IL1RAPL1: variants seen among roughly 807,000 people sequenced by gnomAD.
IL1RAPL1 encodes interleukin-1 receptor accessory protein-like 1.
In IL1RAPL1, 3 loss-of-function variants were observed where a neutral mutation model predicts 48.4. That is an observed-to-expected ratio of 0.06 (90% CI 0.03 to 0.16). The LOEUF (loss-of-function observed/expected upper bound fraction) is 0.16, where lower values mean the gene tolerates loss of function less well. Ranked by LOEUF, IL1RAPL1 falls within the 10% of genes least tolerant of loss-of-function variation. The pLI, the probability that IL1RAPL1 is intolerant of heterozygous loss-of-function variation, is 1.00. For synonymous variants in IL1RAPL1, 185 were observed against 187.7 expected, an observed-to-expected ratio of 0.99 and a Z score of 0.12; for missense variants, 349 against 530.6, an observed-to-expected ratio of 0.66 and a Z score of 3.36.
At chrX:29,703,346 A>T (rs1927104230) in intron 6 of IL1RAPL1, among the ~76,000 whole-genome samples, 1 of 109,733 alleles carries the variant, frequency 9.1e-6, no homozygotes, top group Non-Finnish European at 1.9e-5. Context: ...TCATTTGTTT[A>T]TTTATTTATT....
chrX:28,845,458 T>A (rs1227786050), intron 2 of IL1RAPL1, among the ~76,000 whole-genome samples: 2 of 111,634 alleles, frequency 1.8e-5, no homozygotes, highest in Non-Finnish European at 3.8e-5. Flanking sequence ...TATGTCAGAT[T>A]AAAGGAAACT....
At chrX:29,925,450 G>T in intron 8 of IL1RAPL1, among the ~76,000 whole-genome samples, 1 of 20,181 alleles carries the variant, frequency 5.0e-5, no homozygotes, top group Non-Finnish European at 1.0e-4. Context: ...TTTTTTGCTG[G>T]GGGGGGCTTC....
At chrX:28,669,176 C>G (rs909869939) in intron 1 of IL1RAPL1, among the ~76,000 whole-genome samples, 2 of 111,356 alleles carry the variant, frequency 1.8e-5, no homozygotes, top group Admixed American at 9.6e-5. Flanking sequence ...AACAAACTGT[C>G]TCTTAGGTGC....
intron 5 of IL1RAPL1, 111 bp from the exon 6 acceptor site, chrX:29,668,319 T>C: frequency 1.5e-6 from 1 of 678,514 alleles, no homozygotes; most frequent in South Asian, 2.3e-5. Context: ...TAGAGCACTT[T>C]AACACTACTT....
chrX:28,693,363 A>G, intron 1 of IL1RAPL1, among the ~76,000 whole-genome samples: 1 of 112,573 alleles, frequency 8.9e-6, no homozygotes, highest in Non-Finnish European at 1.9e-5. Context: ...ATGTATTGCC[A>G]TTCAACAGAA....
At chrX:29,606,867 C>A (rs1923908634) in intron 5 of IL1RAPL1, among the ~76,000 whole-genome samples, 1 of 111,020 alleles carries the variant, frequency 9.0e-6, no homozygotes, top group Admixed American at 9.6e-5. Flanking sequence ...TTGTATGACA[C>A]CCCTTTAGAA....
chrX:29,665,139 G>T (rs1235780350), intron 5 of IL1RAPL1, among the ~76,000 whole-genome samples: 1 of 112,333 alleles, frequency 8.9e-6, no homozygotes, highest in Non-Finnish European at 1.9e-5. Flanking sequence ...GACAAAATAT[G>T]ATTAGGATTT....
At chrX:29,446,549 A>G (rs1304602831) in intron 5 of IL1RAPL1, among the ~76,000 whole-genome samples, 2 of 111,835 alleles carry the variant, frequency 1.8e-5, no homozygotes, top group Non-Finnish European at 1.9e-5. Flanking sequence ...TAATTAAACC[A>G]TATATGGCCA....
At chrX:28,779,634 G>GTATATATATATATATATA (rs1183080798) in intron 1 of IL1RAPL1, among the ~76,000 whole-genome samples, 1 of 38,322 alleles carries the variant, frequency 2.6e-5, no homozygotes, top group Non-Finnish European at 4.5e-5. Flanking sequence ...GTGTGTGTGT[G>GTATATATATATATATATA]TATATATATA....
intron 1 of IL1RAPL1, among the ~76,000 whole-genome samples, chrX:28,699,649 C>T (rs188640059): frequency 1.5e-4 from 17 of 111,631 alleles, no homozygotes; most frequent in African/African-American, 4.2e-4. Context: ...CTGCTTCAGA[C>T]TCTCTCTCTC....
At chrX:29,113,871 C>T (rs1379218191) in intron 2 of IL1RAPL1, among the ~76,000 whole-genome samples, 1 of 111,198 alleles carries the variant, frequency 9.0e-6, no homozygotes, top group Non-Finnish European at 1.9e-5. Context: ...CTTTTATTTG[C>T]TTGTCTAACT....
At chrX:28,589,739 G>C (rs1039366208) in intron 1 of IL1RAPL1, among the ~76,000 whole-genome samples, 9 of 111,765 alleles carry the variant, frequency 8.1e-5, no homozygotes, top group African/African-American at 2.9e-4. Flanking sequence ...CAGCCTGGTG[G>C]TTCCCTCATA....
At chrX:28,827,842 GTTTAATCTACCTGTGAAAATCCACT>G (rs1304967994) in intron 2 of IL1RAPL1, among the ~76,000 whole-genome samples, 5 of 111,825 alleles carry the variant, frequency 4.5e-5, no homozygotes, top group Admixed American at 2.8e-4. Flanking sequence ...CATTCTAAAA[GTTTAATCTACCTGTGAAAATCCACT>G]TTTCACCTGC....
At chrX:28,910,230 T>C (rs73631627) in intron 2 of IL1RAPL1, among the ~76,000 whole-genome samples, 311 of 111,190 alleles carry the variant, frequency 2.8e-3, no homozygotes, top group African/African-American at 9.6e-3. Context: ...CTTCAAGGGA[T>C]TTTCTTTATT....
At chrX:29,586,766 C>T (rs1428518893) in intron 5 of IL1RAPL1, among the ~76,000 whole-genome samples, 1 of 110,365 alleles carries the variant, frequency 9.1e-6, no homozygotes, top group Non-Finnish European at 1.9e-5. Context: ...AAGTTTATTC[C>T]TAAGTATTTT....
At position 29,445,233 on chromosome X, in the gene IL1RAPL1, A is replaced by G. The variant is rs983235433; in HGVS notation, c.703+45925A>G. On this transcript the variant is annotated intron_variant, in intron 5 of 10. Transcript: ENST00000378993. ...AGATATTAGAATTGGACACATCCAT[A>G]AAACAGATTTCTCTATGAGGTCAGC... 4.5e-5 allele frequency among the ~76,000 whole-genome samples: 5 copies of G among 112,261 alleles called. No homozygotes were observed. The East Asian group carries it at 1.1e-3, about 25-fold the overall frequency.
At chrX:28,600,358 T>C (rs1364168171) in intron 1 of IL1RAPL1, among the ~76,000 whole-genome samples, 3 of 111,017 alleles carry the variant, frequency 2.7e-5, no homozygotes, top group Non-Finnish European at 3.8e-5. Context: ...GCCACAAATA[T>C]CTAATGAGCA....
intron 6 of IL1RAPL1, among the ~76,000 whole-genome samples, chrX:29,913,196 C>T (rs1414860433): frequency 9.0e-6 from 1 of 111,088 alleles, no homozygotes; most frequent in Non-Finnish European, 1.9e-5. Context: ...CTCCTAGTGT[C>T]TAGGCTGTGA....
intron 1 of IL1RAPL1, among the ~76,000 whole-genome samples, chrX:28,644,695 C>A (rs1289070794): frequency 1.8e-5 from 2 of 111,635 alleles, no homozygotes; most frequent in Non-Finnish European, 3.8e-5. Flanking sequence ...AAAAAAAAAT[C>A]TTTTGGCAAA....
Sources: gnomAD v4.1 joint callset for allele counts (sites outside exome capture counted in the v4.1 genomes callset) on GRCh38, gnomAD v4.1.1 for gene constraint, MANE v1.5 for transcripts, NCBI Gene and HGNC (gene_info 2026-07-23, HGNC 2026-07-21) for gene names.